LRRC4C: variants seen among roughly 807,000 people sequenced by gnomAD.
LRRC4C encodes the protein leucine rich repeat containing 4C.
In LRRC4C, 5 loss-of-function variants were observed where a neutral mutation model predicts 33.6. That is an observed-to-expected ratio of 0.15 (90% CI 0.08 to 0.31). The LOEUF (loss-of-function observed/expected upper bound fraction) is 0.31, where lower values mean the gene tolerates loss of function less well. Ranked by LOEUF, LRRC4C falls within the 10% of genes least tolerant of loss-of-function variation. The probability of loss-of-function intolerance (pLI) is 1.00; values close to 1 mark genes in which losing one functional copy is unlikely to be tolerated. For synonymous variants in LRRC4C, 329 were observed against 302.0 expected (o/e 1.09, Z -0.93); for missense variants, 560 against 796.7 (o/e 0.70, Z 3.58).
intron 1 of LRRC4C, among the ~76,000 whole-genome samples, chr11:41,155,052 A>G (rs1321557829): frequency 6.6e-6 from 1 of 152,132 alleles, no homozygotes; most frequent in African/African-American, 2.4e-5. Flanking sequence ...ATTATATTAG[A>G]AAGTCCAAAT....
intron 3 of LRRC4C, among the ~76,000 whole-genome samples, chr11:40,557,453 T>C (rs1957374549): frequency 6.6e-6 from 1 of 152,162 alleles, no homozygotes. Context: ...CCCAGTAATA[T>C]TACATGCAAA....
chr11:41,070,866 C>G (rs1224015772), intron 1 of LRRC4C, among the ~76,000 whole-genome samples: 1 of 151,910 alleles, frequency 6.6e-6, no homozygotes, highest in African/African-American at 2.4e-5. Flanking sequence ...GATCTAGAAC[C>G]AGAAATACCA....
At chr11:40,216,003 T>C (rs1241228877) in intron 5 of LRRC4C, among the ~76,000 whole-genome samples, 1 of 152,066 alleles carries the variant, frequency 6.6e-6, no homozygotes. Context: ...ACGCTGGTAA[T>C]GAGATTAATC....
At chr11:41,306,567 G>A (rs943058331) in intron 1 of LRRC4C, among the ~76,000 whole-genome samples, 1 of 152,190 alleles carries the variant, frequency 6.6e-6, no homozygotes, top group African/African-American at 2.4e-5. Flanking sequence ...GTATCCTGCA[G>A]TGAATGTGTC....
chr11:40,232,158 C>T (rs1865248033), intron 5 of LRRC4C, among the ~76,000 whole-genome samples: 1 of 152,122 alleles, frequency 6.6e-6, no homozygotes, highest in Admixed American at 6.5e-5. Flanking sequence ...AGTTGCCTGC[C>T]ACCACACCTA....
chr11:40,922,199 C>T (rs1464314613), intron 2 of LRRC4C, among the ~76,000 whole-genome samples: 1 of 152,126 alleles, frequency 6.6e-6, no homozygotes, highest in Non-Finnish European at 1.5e-5. Context: ...CTTCCCTCCC[C>T]ATACCTTACC....
At chr11:40,486,478 T>A (rs151148204) in intron 3 of LRRC4C, among the ~76,000 whole-genome samples, 1 of 152,070 alleles carries the variant, frequency 6.6e-6, no homozygotes, top group Non-Finnish European at 1.5e-5. Context: ...GTATGATGCA[T>A]GGGCTTAACT....
At chr11:41,315,772 G>T (rs1047257969) in intron 1 of LRRC4C, among the ~76,000 whole-genome samples, 1 of 152,180 alleles carries the variant, frequency 6.6e-6, no homozygotes, top group Non-Finnish European at 1.5e-5. Context: ...TAGCTGACAT[G>T]AGAAAACAAA....
intron 4 of LRRC4C, among the ~76,000 whole-genome samples, chr11:40,308,083 T>C (rs1356566777): frequency 6.6e-6 from 1 of 152,228 alleles, no homozygotes; most frequent in Non-Finnish European, 1.5e-5. Flanking sequence ...TATTGCTTTA[T>C]TAATCAAAAA....
At chr11:41,296,132 G>A (rs1357587892) in intron 1 of LRRC4C, among the ~76,000 whole-genome samples, 1 of 152,108 alleles carries the variant, frequency 6.6e-6, no homozygotes, top group East Asian at 1.9e-4. Context: ...CTATGAATTG[G>A]CAAAGATTTT....
At chr11:41,414,747 G>A (rs2939756) in intron 1 of LRRC4C, among the ~76,000 whole-genome samples, 64,491 of 151,720 alleles carry the variant, frequency 0.43, 14,529 homozygotes, top group East Asian at 0.58. Context: ...AAGATAATAG[G>A]AAAGTAGAAT....
chr11:40,184,353 G>A lies in LRRC4C; in HGVS notation c.-95-43500C>T, dbSNP rs1412167890. ...CAAATAAGTCTCCTTCTAATACAGG[G>A]GGCCAGTAAAATCCTTACCACAAAT... On this transcript the variant is annotated intron_variant, in intron 5 of 6. Coordinates refer to ENST00000528697, the MANE Select transcript of LRRC4C (RefSeq NM_001258419.2). Among the ~76,000 whole-genome samples, 7 of 152,064 alleles carry A rather than the reference G, an allele frequency of 4.6e-5. No individual in the cohort carries two copies. The South Asian group carries it at 8.3e-4, about 18-fold the overall frequency.
chr11:41,203,025 A>T (rs1946462328), intron 1 of LRRC4C, among the ~76,000 whole-genome samples: 1 of 152,122 alleles, frequency 6.6e-6, no homozygotes, highest in South Asian at 2.1e-4. Flanking sequence ...ACCTCAGGTG[A>T]TCCACCCGCC....
At chr11:40,810,889 CA>C (rs1233122972) in intron 2 of LRRC4C, among the ~76,000 whole-genome samples, 2 of 152,044 alleles carry the variant, frequency 1.3e-5, no homozygotes, top group African/African-American at 4.8e-5. Flanking sequence ...TACTTTTTTC[CA>C]AAAATTTATA....
At chr11:41,149,295 G>A (rs1285358912) in intron 1 of LRRC4C, among the ~76,000 whole-genome samples, 3 of 151,992 alleles carry the variant, frequency 2.0e-5, no homozygotes, top group Admixed American at 6.5e-5. Context: ...CACGAGGTCA[G>A]GAGATCGAGA....
At chr11:41,130,958 A>T (rs1328636680) in intron 1 of LRRC4C, among the ~76,000 whole-genome samples, 1 of 151,924 alleles carries the variant, frequency 6.6e-6, no homozygotes, top group Non-Finnish European at 1.5e-5. Context: ...TTTTTTTTGC[A>T]GGTATATTTC....
chr11:40,983,534 G>C (rs1488662109), intron 1 of LRRC4C, among the ~76,000 whole-genome samples: 4 of 152,066 alleles, frequency 2.6e-5, no homozygotes, highest in African/African-American at 4.8e-5. Context: ...TTAAACTAAA[G>C]AAACTATCAA....
At chr11:40,132,034 T>C (rs2134825645) in intron 6 of LRRC4C, among the ~76,000 whole-genome samples, 1 of 152,302 alleles carries the variant, frequency 6.6e-6, no homozygotes, top group South Asian at 2.1e-4. Flanking sequence ...AATGTGATTA[T>C]ATATTTTTAT....
intron 2 of LRRC4C, among the ~76,000 whole-genome samples, chr11:40,751,057 A>G (rs1433199869): frequency 6.6e-6 from 1 of 151,242 alleles, no homozygotes; most frequent in East Asian, 1.9e-4. Context: ...CACAATTGAC[A>G]AATTCCACCT....
Sources: allele counts gnomAD v4.1 joint callset (sites outside exome capture counted in the v4.1 genomes callset), GRCh38; gene constraint gnomAD v4.1.1; transcripts MANE v1.5; gene names NCBI Gene and HGNC (gene_info 2026-07-23, HGNC 2026-07-21).